ADORA2B: variants seen among roughly 807,000 people sequenced by gnomAD.
The protein encoded by ADORA2B is adenosine receptor A2b.
A neutral mutation model predicts 20.8 loss-of-function variants in ADORA2B; 18 were observed. The observed-to-expected ratio is 0.87, with a 90% CI of 0.60 to 1.29. The LOEUF (loss-of-function observed/expected upper bound fraction) is 1.29, where lower values mean the gene tolerates loss of function less well. ADORA2B is among the 50% of genes most tolerant of loss of function. The probability of loss-of-function intolerance (pLI) is 0.00; values close to 1 mark genes in which losing one functional copy is unlikely to be tolerated. For synonymous variants in ADORA2B, 179 were observed against 178.3 expected, an observed-to-expected ratio of 1.00 and a Z score of -0.03; for missense variants, 441 against 422.7, an observed-to-expected ratio of 1.04 and a Z score of -0.38.
chr17:15,857,841 C>A, the ADORA2B span, among the ~76,000 whole-genome samples: 1 of 152,064 alleles, frequency 6.6e-6, no homozygotes, highest in African/African-American at 2.4e-5. Flanking sequence ...AATCATGCAA[C>A]ATTTGTCCTT....
chr17:15,895,925 G>A, the ADORA2B span, among the ~76,000 whole-genome samples: 1 of 152,140 alleles, frequency 6.6e-6, no homozygotes, highest in Non-Finnish European at 1.5e-5. Context: ...GTAAACCAAG[G>A]CTCACAACAT....
At chr17:15,866,621 T>C in the ADORA2B span, among the ~76,000 whole-genome samples, 1 of 152,066 alleles carries the variant, frequency 6.6e-6, no homozygotes, top group Non-Finnish European at 1.5e-5. Context: ...GTAAGTCCTT[T>C]GTCAAATACA....
chr17:15,874,149 A>G, the ADORA2B span, among the ~76,000 whole-genome samples: 1 of 151,454 alleles, frequency 6.6e-6, no homozygotes, highest in South Asian at 2.1e-4. Flanking sequence ...CCATGGAATG[A>G]ATGAAATAAT....
At chr17:15,886,832 A>T in the ADORA2B span, among the ~76,000 whole-genome samples, 1 of 130,008 alleles carries the variant, frequency 7.7e-6, no homozygotes, top group Non-Finnish European at 1.6e-5. Context: ...TGCTCTCAGG[A>T]TGCCACAGAA....
Position 15,974,843 on chromosome 17 carries a change from G to A in ADORA2B, c.500G>A (p.Cys167Tyr). 1 of 1,614,144 alleles carries A rather than the reference G, an allele frequency of 6.2e-7. No homozygotes were observed. Among genetic ancestry groups the A allele is most frequent in the Non-Finnish European group, 8.5e-7 (1 of 1,180,040 alleles). Residue 167 changes from cysteine (C) to tyrosine (Y), a missense_variant, in exon 2 of 2, where the codon TGC becomes TAC. Physicochemically the swap from Cys to Tyr is radical, Grantham distance 194 (BLOSUM62 -2). Coordinates refer to ENST00000304222, the MANE Select transcript of ADORA2B (RefSeq NM_000676.4). Reference sequence around the variant, plus strand: ...GATGGAACCACGAATGAAAGCTGCTGCCTTGTGAAGTGTCTCTTTGAGAAT... The same window carrying A: ...GATGGAACCACGAATGAAAGCTGCTACCTTGTGAAGTGTCTCTTTGAGAAT... ...PWDGTTNESC[C>Y]LVKCLFENVV...
the ADORA2B span, among the ~76,000 whole-genome samples, chr17:15,896,126 T>A: frequency 6.6e-6 from 1 of 152,178 alleles, no homozygotes; most frequent in African/African-American, 2.4e-5. Flanking sequence ...CTATGCTGCA[T>A]AGAGACCTTA....
the ADORA2B span, among the ~76,000 whole-genome samples, chr17:15,899,666 G>A: frequency 6.6e-6 from 1 of 151,972 alleles, no homozygotes; most frequent in East Asian, 1.9e-4. Flanking sequence ...CCAGTGTTTA[G>A]CGTCCTCTTG....
the ADORA2B span, among the ~76,000 whole-genome samples, chr17:15,919,830 C>G: frequency 1.3e-5 from 2 of 152,116 alleles, no homozygotes; most frequent in East Asian, 3.8e-4. Context: ...CCCACTTTCT[C>G]CAGCCACTTT....
chr17:15,868,617 C>CAA, the ADORA2B span, among the ~76,000 whole-genome samples: 91 of 101,508 alleles, frequency 9.0e-4, 8 homozygotes, highest in South Asian at 7.9e-3. Context: ...ACTAAAAATA[C>CAA]AAAAAAAAAA....
chr17:15,909,129 G>A, the ADORA2B span, among the ~76,000 whole-genome samples: 3 of 151,874 alleles, frequency 2.0e-5, no homozygotes, highest in East Asian at 1.9e-4. Flanking sequence ...TTGGAGGCAC[G>A]GTCAAGTATG....
chr17:15,907,890 A>C, the ADORA2B span, among the ~76,000 whole-genome samples: 4 of 152,320 alleles, frequency 2.6e-5, no homozygotes, highest in East Asian at 7.7e-4. Flanking sequence ...TGTGGACAGC[A>C]GTTTTCCTGG....
At chr17:15,940,406 C>T (rs144512790), upstream of ADORA2B, among the ~76,000 whole-genome samples, 285 of 152,252 alleles carry the variant, frequency 1.9e-3, 2 homozygotes, top group African/African-American at 6.5e-3. Context: ...CCTTGGATGT[C>T]GGAGAGAAGT....
At chr17:15,973,194 C>T (rs1970208895) in intron 1 of ADORA2B, among the ~76,000 whole-genome samples, 1 of 152,166 alleles carries the variant, frequency 6.6e-6, no homozygotes, top group Admixed American at 6.5e-5. Flanking sequence ...AGATCCTTGC[C>T]TGGAGCCACA....
chr17:15,921,304 GTTC>G, the ADORA2B span, among the ~76,000 whole-genome samples: 1 of 152,240 alleles, frequency 6.6e-6, no homozygotes, highest in African/African-American at 2.4e-5. Flanking sequence ...GTCTCAGCCT[GTTC>G]TTCTGCAGCA....
chr17:15,867,658 C>T, the ADORA2B span, among the ~76,000 whole-genome samples: 5 of 150,582 alleles, frequency 3.3e-5, no homozygotes, highest in Admixed American at 6.6e-5. Context: ...CCGCCCCATC[C>T]GGGAGGGAGG....
the ADORA2B span, among the ~76,000 whole-genome samples, chr17:15,876,687 A>G: frequency 6.6e-6 from 1 of 152,030 alleles, no homozygotes; most frequent in Non-Finnish European, 1.5e-5. Context: ...TTAATCTTCC[A>G]AATTCTATTA....
chr17:15,859,079 C>T, the ADORA2B span, among the ~76,000 whole-genome samples: 2 of 152,122 alleles, frequency 1.3e-5, no homozygotes, highest in South Asian at 2.1e-4. Flanking sequence ...TCACCTAAGC[C>T]TCCCAAAGCA....
the ADORA2B span, among the ~76,000 whole-genome samples, chr17:15,923,206 A>ATCTTTT: frequency 1.8e-5 from 2 of 113,510 alleles, no homozygotes; most frequent in African/African-American, 7.2e-5. Context: ...TCTTTTTTTA[A>ATCTTTT]TTTTTTTTTT....
At chr17:15,973,802 G>A (rs1970215016) in intron 1 of ADORA2B, 1 of 152,232 alleles carries the variant, frequency 6.6e-6, no homozygotes, top group Admixed American at 6.5e-5. Flanking sequence ...ACCTAGGTAG[G>A]TAGGAAGTAT....
Sources: allele counts gnomAD v4.1 joint callset (sites outside exome capture counted in the v4.1 genomes callset), GRCh38; gene constraint gnomAD v4.1.1; transcripts MANE v1.5; gene names NCBI Gene and HGNC (gene_info 2026-07-23, HGNC 2026-07-21).